Variants in TBCD observed in about 807,000 individuals in gnomAD.
The protein encoded by TBCD is tubulin-specific chaperone D.
In TBCD, 105 loss-of-function variants were observed where a neutral mutation model predicts 169.3. The observed-to-expected ratio is 0.62, with a 90% CI of 0.53 to 0.73. TBCD has a LOEUF of 0.73. Ranked by LOEUF, TBCD falls within the 30% of genes least tolerant of loss-of-function variation. The probability of loss-of-function intolerance (pLI) is 0.00; values close to 1 mark genes in which losing one functional copy is unlikely to be tolerated. For synonymous variants in TBCD, 700 were observed against 643.9 expected (o/e 1.09, Z -1.32); for missense variants, 1,444 against 1,600.1 (o/e 0.90, Z 1.66).
At chr17:82,805,065 C>G (rs1018527661) in intron 9 of TBCD, among the ~76,000 whole-genome samples, 2 of 152,240 alleles carry the variant, frequency 1.3e-5, no homozygotes, top group Non-Finnish European at 2.9e-5. Context: ...GAAGCAGGGC[C>G]CACAGCCAGG....
chr17:82,908,922 A>G lies in TBCD; in HGVS notation c.1984-363A>G, dbSNP rs114173056. 1.4e-3 allele frequency among the ~76,000 whole-genome samples: 206 copies of G among 152,374 alleles called. 1 individual carries two copies. Among genetic ancestry groups the G allele is most frequent in the African/African-American group, 4.4e-3 (184 of 41,588 alleles). On this transcript the variant is annotated intron_variant, in intron 21 of 38. Coordinates refer to ENST00000355528, the MANE Select transcript of TBCD (RefSeq NM_005993.5). ...AACGTGGCTTTTAAGCTCTCTTACA[A>G]AAAAAGAAACATCAGCATCCTGTTT...
intron 14 of TBCD, 76 bp downstream of exon 14, chr17:82,870,456 G>A: frequency 6.5e-7 from 1 of 1,535,346 alleles, no homozygotes; most frequent in Non-Finnish European, 8.8e-7. Flanking sequence ...TCCATGAGAG[G>A]TGTGCACAGC....
chr17:82,925,084 G>A, intron 27 of TBCD, 27 bp downstream of exon 27: 1 of 1,524,448 alleles, frequency 6.6e-7, no homozygotes, highest in Non-Finnish European at 8.9e-7. Context: ...GCAGTGGACG[G>A]GGCCTAGGGC....
chr17:82,800,304 A>G (rs992561662), intron 8 of TBCD, among the ~76,000 whole-genome samples: 2 of 152,046 alleles, frequency 1.3e-5, no homozygotes, highest in Non-Finnish European at 2.9e-5. Context: ...TGCTGTGCCC[A>G]GTGCTACCTT....
At position 82,921,588 on chromosome 17, in the gene TBCD, C is replaced by T. The variant is rs2061420780; in HGVS notation, c.2178+11C>T. The T allele has an allele frequency of 6.2e-7, 1 of 1,613,502 alleles. No homozygotes were observed. The highest frequency in any genetic ancestry group is 1.3e-5 in the African/African-American group (1 of 74,938). On this transcript the variant is annotated intron_variant, in intron 25 of 38. Coordinates refer to ENST00000355528, the MANE Select transcript of TBCD (RefSeq NM_005993.5). ...CGCCAGCAGATGAAGGTACAGTGAGCATGGGCGTTCCCGGCCGGCGCTGTG... is the reference window on the plus strand; with the variant it reads ...CGCCAGCAGATGAAGGTACAGTGAGTATGGGCGTTCCCGGCCGGCGCTGTG...
intron 13 of TBCD, chr17:82,830,043 G>A: frequency 6.4e-7 from 1 of 1,559,178 alleles, no homozygotes; most frequent in South Asian, 1.1e-5. Context: ...AGCTGCATTT[G>A]TAAAAATGTG....
intron 12 of TBCD, among the ~76,000 whole-genome samples, 156 bp downstream of exon 12, chr17:82,809,938 T>C (rs2051303829): frequency 6.6e-6 from 1 of 152,238 alleles, no homozygotes; most frequent in Admixed American, 6.5e-5. Context: ...TGAGAACTCT[T>C]GTTATTTCTG....
chr17:82,799,799 C>G (rs184377738), intron 8 of TBCD, among the ~76,000 whole-genome samples: 27 of 152,320 alleles, frequency 1.8e-4, no homozygotes, highest in African/African-American at 6.0e-4. Flanking sequence ...CTTGGGCTGT[C>G]GTGCTTGTCA....
intron 22 of TBCD, among the ~76,000 whole-genome samples, chr17:82,909,539 C>G (rs1015329262): frequency 1.2e-4 from 16 of 134,108 alleles, no homozygotes; most frequent in African/African-American, 4.0e-4. Context: ...AGGGTCTGAC[C>G]TGGTTGTGTG....
In TBCD at chr17:82,831,604, A is replaced by T. The variant is rs1567853293; in HGVS notation, c.1318+16670A>T. 1.2e-6 allele frequency: 2 copies of T among 1,614,128 alleles called. No individual in the cohort carries two copies. Among genetic ancestry groups the T allele is most frequent in the Admixed American group, 1.7e-5 (1 of 60,024 alleles). ...AGGGATCGGCCCCGGGTGAGGCAGG[A>T]AGTGTCTCGGGTCTTGGGTTCCGTA... On this transcript the variant is annotated intron_variant, in intron 13 of 38. Transcript: ENST00000355528. The surrounding 1 kb of genome is among the most constrained non-coding windows in gnomAD (Gnocchi z 4.6).
chr17:82,824,913 C>A (rs1302307187), intron 13 of TBCD, among the ~76,000 whole-genome samples: 2 of 151,972 alleles, frequency 1.3e-5, no homozygotes, highest in East Asian at 1.9e-4. Flanking sequence ...TGCATAAATG[C>A]AGAAACGTAG....
chr17:82,840,806 GTA>G (rs1293470558), intron 13 of TBCD, among the ~76,000 whole-genome samples: 2 of 152,168 alleles, frequency 1.3e-5, no homozygotes, highest in African/African-American at 4.8e-5. Flanking sequence ...CACCCCAGTT[GTA>G]GCGAAGGCTG....
intron 6 of TBCD, among the ~76,000 whole-genome samples, chr17:82,776,270 C>T (rs926142908): frequency 1.4e-4 from 21 of 151,520 alleles, no homozygotes; most frequent in Non-Finnish European, 1.3e-4. Context: ...CTTGGCGTGG[C>T]GTGGTGGCAC....
At chr17:82,872,714 A>G (rs980567295) in intron 14 of TBCD, among the ~76,000 whole-genome samples, 1 of 152,258 alleles carries the variant, frequency 6.6e-6, no homozygotes, top group Non-Finnish European at 1.5e-5. Context: ...TTGATATCTC[A>G]TTCAGTTTCC....
At chr17:82,799,137 C>G (rs2050313152) in intron 8 of TBCD, among the ~76,000 whole-genome samples, 1 of 152,190 alleles carries the variant, frequency 6.6e-6, no homozygotes, top group Admixed American at 6.5e-5. Context: ...CTTCTTAGAG[C>G]CTTTGTGTGT....
chr17:82,797,265 C>T (rs1327056705), intron 7 of TBCD, among the ~76,000 whole-genome samples: 3 of 152,280 alleles, frequency 2.0e-5, no homozygotes, highest in East Asian at 1.9e-4. Flanking sequence ...ACCGGGCTGC[C>T]AGGTGTGTGT....
At chr17:82,812,539 A>C (rs2051527059) in intron 12 of TBCD, among the ~76,000 whole-genome samples, 1 of 152,138 alleles carries the variant, frequency 6.6e-6, no homozygotes. Context: ...GCAGATGGAT[A>C]CAGAGGTTTT....
At chr17:82,786,205 G>A (rs1406007376) in intron 7 of TBCD, among the ~76,000 whole-genome samples, 1 of 152,008 alleles carries the variant, frequency 6.6e-6, no homozygotes, top group Non-Finnish European at 1.5e-5. Flanking sequence ...AGGTGGCTTC[G>A]AGGGCTTCTC....
At position 82,862,900 on chromosome 17, in the gene TBCD, G is replaced by A. The variant is rs372913216; in HGVS notation, c.1319-7324G>A. The stretch of plus-strand genomic sequence containing the variant: ...CTCTCACGCGTCCGAGGTGGCTGCC[G>A]GCGTGCGGGTGTGACTGTCGATGAG... On this transcript the variant is annotated intron_variant, in intron 13 of 38. Coordinates refer to ENST00000355528, the MANE Select transcript of TBCD (RefSeq NM_005993.5). 1.6e-4 allele frequency among the ~76,000 whole-genome samples: 25 copies of A among 152,320 alleles called. No homozygotes were observed. In the East Asian group the frequency reaches 1.7e-3, roughly 11 times the overall value.
Sources: gnomAD v4.1 joint callset for allele counts (sites outside exome capture counted in the v4.1 genomes callset) on GRCh38, gnomAD v4.1.1 for gene constraint, Gnocchi (gnomAD v3.1) non-coding constraint, MANE v1.5 for transcripts, NCBI Gene and HGNC (gene_info 2026-07-23, HGNC 2026-07-21) for gene names.